CCSER1: variants seen among roughly 807,000 people sequenced by gnomAD.
The protein encoded by CCSER1 is serine-rich coiled-coil domain-containing protein 1.
A neutral mutation model predicts 82.0 loss-of-function variants in CCSER1; 41 were observed. That is an observed-to-expected ratio of 0.50 (90% CI 0.39 to 0.65). The LOEUF (loss-of-function observed/expected upper bound fraction) is 0.65. CCSER1 is among the 30% of genes least tolerant of loss of function. The probability of loss-of-function intolerance (pLI) is 0.00; values close to 1 mark genes in which losing one functional copy is unlikely to be tolerated. For missense variants in CCSER1, 1,119 were observed against 1,064.2 expected (o/e 1.05, Z -0.72); for synonymous variants, 414 against 383.9 (o/e 1.08, Z -0.92).
At chr4:90,452,259 G>A (rs1442709217) in intron 4 of CCSER1, among the ~76,000 whole-genome samples, 1 of 152,136 alleles carries the variant, frequency 6.6e-6, no homozygotes, top group Admixed American at 6.5e-5. Context: ...TCTGTTCGCA[G>A]TCCTGTTCAA....
chr4:90,494,210 G>T (rs903701904), intron 5 of CCSER1, among the ~76,000 whole-genome samples: 1 of 152,162 alleles, frequency 6.6e-6, no homozygotes, highest in Non-Finnish European at 1.5e-5. Context: ...CACAAGAAGA[G>T]CTAACTATCC....
chr4:91,496,853 A>C (rs1456523238), intron 10 of CCSER1, among the ~76,000 whole-genome samples: 1 of 97,484 alleles, frequency 1.0e-5, no homozygotes, highest in African/African-American at 3.5e-5. Context: ...ATATATATTC[A>C]AATATATATT....
intron 3 of CCSER1, among the ~76,000 whole-genome samples, chr4:90,374,918 C>T (rs1026826261): frequency 2.6e-5 from 4 of 152,164 alleles, no homozygotes; most frequent in African/African-American, 9.7e-5. Flanking sequence ...AGTGGAACTT[C>T]CACACTCCCT....
intron 9 of CCSER1, among the ~76,000 whole-genome samples, chr4:90,950,456 T>C (rs1023843571): frequency 6.6e-6 from 1 of 151,992 alleles, no homozygotes; most frequent in Admixed American, 6.6e-5. Flanking sequence ...CAGCCTAATA[T>C]CATCACCTAC....
intron 3 of CCSER1, among the ~76,000 whole-genome samples, chr4:90,330,572 C>T (rs1290609829): frequency 6.6e-6 from 1 of 152,036 alleles, no homozygotes; most frequent in African/African-American, 2.4e-5. Flanking sequence ...CAGCCGTCCA[C>T]TGGAAGTTGC....
chr4:91,209,481 T>A (rs1316759318), intron 10 of CCSER1, among the ~76,000 whole-genome samples: 1 of 152,012 alleles, frequency 6.6e-6, no homozygotes, highest in Non-Finnish European at 1.5e-5. Context: ...ATGTGGTTTT[T>A]GTCTTTAATT....
At chr4:91,202,318 C>T (rs1735967449) in intron 10 of CCSER1, among the ~76,000 whole-genome samples, 1 of 152,040 alleles carries the variant, frequency 6.6e-6, no homozygotes, top group African/African-American at 2.4e-5. Flanking sequence ...GTAGCACACT[C>T]ACACAAAAGG....
intron 9 of CCSER1, among the ~76,000 whole-genome samples, chr4:91,044,242 A>G (rs1360338419): frequency 6.6e-6 from 1 of 152,206 alleles, no homozygotes; most frequent in Non-Finnish European, 1.5e-5. Context: ...CGGGAAAGAA[A>G]CATGAATGAT....
chr4:90,486,053 A>C (rs1766998343), intron 5 of CCSER1, among the ~76,000 whole-genome samples: 1 of 152,134 alleles, frequency 6.6e-6, no homozygotes, highest in African/African-American at 2.4e-5. Flanking sequence ...GAACCTAATC[A>C]ACAATTGTAG....
chr4:90,623,744 G>A (rs1722780097), intron 5 of CCSER1, among the ~76,000 whole-genome samples: 1 of 152,116 alleles, frequency 6.6e-6, no homozygotes, highest in Admixed American at 6.6e-5. Flanking sequence ...AGATACAAGT[G>A]TTTTCCTAAA....
intron 10 of CCSER1, among the ~76,000 whole-genome samples, chr4:91,323,455 CATT>C (rs1172723682): frequency 2.6e-5 from 4 of 152,056 alleles, no homozygotes; most frequent in African/African-American, 7.2e-5. Flanking sequence ...TACGAAGAAA[CATT>C]AGTCTTTTTT....
chr4:91,401,386 CAATAT>C (rs997858087), intron 10 of CCSER1, among the ~76,000 whole-genome samples: 38 of 147,780 alleles, frequency 2.6e-4, no homozygotes, highest in African/African-American at 9.3e-4. Flanking sequence ...TATAACATAT[CAATAT>C]AATATATATA....
chr4:90,867,330 C>A (rs1765867644), intron 8 of CCSER1, among the ~76,000 whole-genome samples: 1 of 152,046 alleles, frequency 6.6e-6, no homozygotes. Context: ...AAAGGTAATT[C>A]ATCTTTCAAA....
chr4:91,511,984 T>A (rs905253640), intron 10 of CCSER1, among the ~76,000 whole-genome samples: 1 of 152,156 alleles, frequency 6.6e-6, no homozygotes, highest in African/African-American at 2.4e-5. Flanking sequence ...GGATTACTGA[T>A]CTATAATTAC....
chr4:91,314,877 G>T (rs1745721071), intron 10 of CCSER1, among the ~76,000 whole-genome samples: 1 of 151,838 alleles, frequency 6.6e-6, no homozygotes. Flanking sequence ...GCTCCCTAAA[G>T]GTAATGATTC....
intron 10 of CCSER1, among the ~76,000 whole-genome samples, chr4:91,300,422 G>T (rs1374371474): frequency 6.6e-6 from 1 of 151,778 alleles, no homozygotes; most frequent in East Asian, 1.9e-4. Context: ...TGAAAATGAA[G>T]CCACTATCAG....
At chr4:90,603,538 G>C (rs572920603) in intron 5 of CCSER1, among the ~76,000 whole-genome samples, 1 of 152,318 alleles carries the variant, frequency 6.6e-6, no homozygotes, top group African/African-American at 2.4e-5. Context: ...TTTTAGGAAA[G>C]TATATAGATG....
At chr4:91,563,294 A>G (rs1762739644) in intron 10 of CCSER1, among the ~76,000 whole-genome samples, 2 of 151,726 alleles carry the variant, frequency 1.3e-5, no homozygotes, top group Admixed American at 6.6e-5. Context: ...AGGTAACTGA[A>G]TTCAATAGCA....
intron 6 of CCSER1, among the ~76,000 whole-genome samples, chr4:90,709,502 T>G (rs1418051451): frequency 6.6e-6 from 1 of 152,154 alleles, no homozygotes; most frequent in Non-Finnish European, 1.5e-5. Context: ...TTCTCATCAT[T>G]TAGGTCCCAC....
Sources: gnomAD v4.1 joint callset for allele counts (sites outside exome capture counted in the v4.1 genomes callset) on GRCh38, gnomAD v4.1.1 for gene constraint, MANE v1.5 for transcripts, NCBI Gene and HGNC (gene_info 2026-07-23, HGNC 2026-07-21) for gene names.